The following CDH13 variants were observed in gnomAD, a reference collection of about 807,000 sequenced individuals.
CDH13 encodes the protein cadherin 13.
Under a neutral mutation model 63.8 loss-of-function variants are expected in CDH13, and 24 were observed. The observed-to-expected ratio is 0.38, with a 90% CI of 0.27 to 0.53. The LOEUF (loss-of-function observed/expected upper bound fraction) is 0.53. CDH13 is among the 20% of genes least tolerant of loss of function. CDH13 has a pLI of 0.85. For missense variants in CDH13, 1,049 were observed against 903.1 expected (o/e 1.16, Z -2.07); for synonymous variants, 503 against 355.3 (o/e 1.42, Z -4.67).
At chr16:83,781,285 A>G (rs2151009374) in intron 12 of CDH13, among the ~76,000 whole-genome samples, 1 of 152,316 alleles carries the variant, frequency 6.6e-6, no homozygotes. Flanking sequence ...AATGTAAACT[A>G]ACTACCAAGT....
At chr16:83,630,261 A>G (rs1306516478) in intron 8 of CDH13, among the ~76,000 whole-genome samples, 1 of 152,224 alleles carries the variant, frequency 6.6e-6, no homozygotes, top group East Asian at 1.9e-4. Context: ...AAAGTGCAAC[A>G]TTTTGATGCT....
At chr16:82,669,756 G>T (rs1175300919) in intron 1 of CDH13, among the ~76,000 whole-genome samples, 1 of 152,184 alleles carries the variant, frequency 6.6e-6, no homozygotes, top group African/African-American at 2.4e-5. Context: ...GGAACCATTT[G>T]CTCCCCAGTT....
intron 11 of CDH13, among the ~76,000 whole-genome samples, chr16:83,759,938 A>T (rs1207963445): frequency 0.012 from 16 of 1,362 alleles, no homozygotes; most frequent in East Asian, 0.023. Context: ...AAAACCAATA[A>T]AAAAAAAAAA....
intron 2 of CDH13, among the ~76,000 whole-genome samples, chr16:82,883,931 T>G (rs1263921465): frequency 6.6e-6 from 1 of 152,202 alleles, no homozygotes; most frequent in Admixed American, 6.5e-5. Context: ...TAATGCCTGT[T>G]CATGAGCAAG....
intron 7 of CDH13, among the ~76,000 whole-genome samples, chr16:83,555,338 CT>C (rs2075581021): frequency 6.6e-6 from 1 of 152,204 alleles, no homozygotes; most frequent in Non-Finnish European, 1.5e-5. Context: ...GATTTTTAGA[CT>C]TTCAGAAACC....
intron 11 of CDH13, among the ~76,000 whole-genome samples, chr16:83,779,139 G>A: frequency 6.6e-6 from 1 of 152,082 alleles, no homozygotes; most frequent in Admixed American, 6.6e-5. Context: ...GGATGCGGTG[G>A]CTCATGCCTG....
chr16:82,756,879 T>C (rs1437542707), intron 1 of CDH13, among the ~76,000 whole-genome samples: 1 of 152,136 alleles, frequency 6.6e-6, no homozygotes, highest in Non-Finnish European at 1.5e-5. Context: ...TTTCCACTAG[T>C]TTATATTATT....
At chr16:83,055,568 G>T (rs2030838877) in intron 3 of CDH13, among the ~76,000 whole-genome samples, 1 of 151,122 alleles carries the variant, frequency 6.6e-6, no homozygotes, top group Non-Finnish European at 1.5e-5. Context: ...CAAAAAAAAA[G>T]AAATATAAAA....
intron 1 of CDH13, among the ~76,000 whole-genome samples, chr16:82,714,504 A>C (rs2032204900): frequency 6.6e-6 from 1 of 151,980 alleles, no homozygotes; most frequent in South Asian, 2.1e-4. Context: ...ACCTGAGGTT[A>C]GGAGTTCAAG....
At chr16:82,848,063 T>A (rs1199811293) in intron 1 of CDH13, among the ~76,000 whole-genome samples, 3 of 152,220 alleles carry the variant, frequency 2.0e-5, no homozygotes, top group Non-Finnish European at 4.4e-5. Flanking sequence ...GTCTTTGGTA[T>A]GTTCAAAGAA....
At chr16:82,935,981 C>T (rs562159690) in intron 2 of CDH13, among the ~76,000 whole-genome samples, 2 of 152,144 alleles carry the variant, frequency 1.3e-5, no homozygotes, top group Non-Finnish European at 2.9e-5. Context: ...TTGCATAGTG[C>T]TCACCCATTG....
At position 83,575,059 on chromosome 16, in the gene CDH13, G is replaced by A. The variant is rs542164190; in HGVS notation, c.961-27395G>A. On this transcript the variant is annotated intron_variant, in intron 7 of 13. Coordinates refer to ENST00000567109, the MANE Select transcript of CDH13 (RefSeq NM_001257.5). ...TGTCCATACAATAGAATATTATTTG[G>A]CCATAAAAATGAACGAAGCACTGTG... 5.3e-5 allele frequency among the ~76,000 whole-genome samples: 8 copies of A among 152,250 alleles called. No individual in the cohort carries two copies. In the South Asian group the frequency reaches 1.7e-3, roughly 32 times the overall value.
chr16:83,504,347 G>A (rs557946181), intron 7 of CDH13, among the ~76,000 whole-genome samples: 4 of 152,184 alleles, frequency 2.6e-5, no homozygotes, highest in African/African-American at 9.7e-5. Context: ...CTCTTCTGAA[G>A]ATCTGCTGTG....
At chr16:83,573,409 G>A (rs1904824675) in intron 7 of CDH13, among the ~76,000 whole-genome samples, 1 of 152,194 alleles carries the variant, frequency 6.6e-6, no homozygotes, top group South Asian at 2.1e-4. Flanking sequence ...TCAGCATGGA[G>A]GTGACCACTG....
intron 10 of CDH13, among the ~76,000 whole-genome samples, chr16:83,696,483 G>A (rs1905425305): frequency 6.6e-6 from 1 of 152,120 alleles, no homozygotes; most frequent in African/African-American, 2.4e-5. Flanking sequence ...GCCCACACTG[G>A]ATCCACCTGG....
At chr16:82,968,078 AG>A (rs1472417388) in intron 2 of CDH13, among the ~76,000 whole-genome samples, 1 of 152,126 alleles carries the variant, frequency 6.6e-6, no homozygotes, top group Non-Finnish European at 1.5e-5. Flanking sequence ...TTTAAGGAAA[AG>A]CTCCCCCCAA....
chr16:83,413,247 C>G (rs1018907920), intron 6 of CDH13, among the ~76,000 whole-genome samples: 25 of 152,144 alleles, frequency 1.6e-4, no homozygotes, highest in Admixed American at 1.5e-3. Flanking sequence ...AATGCACATT[C>G]TCTTCCATCT....
chr16:83,341,989 C>CCCCCCACACACA (rs767233245), intron 5 of CDH13, among the ~76,000 whole-genome samples: 1 of 138,072 alleles, frequency 7.2e-6, no homozygotes, highest in Non-Finnish European at 1.6e-5. Context: ...GTGTCCCCTG[C>CCCCCCACACACA]CACACACACA....
At chr16:83,280,453 G>A (rs1276157962) in intron 5 of CDH13, among the ~76,000 whole-genome samples, 1 of 152,164 alleles carries the variant, frequency 6.6e-6, no homozygotes, top group Admixed American at 6.5e-5. Context: ...CTCTCGTACT[G>A]TTTCCATCAC....
Sources: gnomAD v4.1 joint callset for allele counts (sites outside exome capture counted in the v4.1 genomes callset) on GRCh38, gnomAD v4.1.1 for gene constraint, MANE v1.5 for transcripts, NCBI Gene and HGNC (gene_info 2026-07-23, HGNC 2026-07-21) for gene names.